Variants in RARB observed in about 807,000 individuals in gnomAD.
The protein encoded by RARB is retinoic acid receptor beta, also known as HBV-activated protein.
Under a neutral mutation model 51.9 loss-of-function variants are expected in RARB, and 17 were observed. The observed-to-expected ratio is 0.33, with a 90% CI of 0.22 to 0.49. The LOEUF (loss-of-function observed/expected upper bound fraction) is 0.49, where lower values mean the gene tolerates loss of function less well. Among genes scored for constraint, RARB ranks in the 20% least tolerant of loss-of-function variants. The pLI is 0.99. For missense variants in RARB, 369 were observed against 550.8 expected (o/e 0.67, Z 3.30); for synonymous variants, 215 against 195.4 (o/e 1.10, Z -0.84).
At chr3:25,572,584 G>T (rs1020299995) in intron 4 of RARB, among the ~76,000 whole-genome samples, 3 of 152,126 alleles carry the variant, frequency 2.0e-5, no homozygotes, top group Admixed American at 6.5e-5. Flanking sequence ...CCTTGAGAGG[G>T]TTGCCAAAAA....
At chr3:25,131,148 A>G (rs1362041499) in intron 3 of RARB, among the ~76,000 whole-genome samples, 1 of 151,968 alleles carries the variant, frequency 6.6e-6, no homozygotes, top group East Asian at 1.9e-4. Context: ...AGATCTTAGG[A>G]CATGCCCAGA....
chr3:25,264,308 G>C (rs1019393224), intron 5 of RARB, among the ~76,000 whole-genome samples: 1 of 152,134 alleles, frequency 6.6e-6, no homozygotes, highest in African/African-American at 2.4e-5. Flanking sequence ...GAACCCTGGG[G>C]TGAAAAGGGA....
intron 3 of RARB, among the ~76,000 whole-genome samples, chr3:25,072,477 G>T (rs557370515): frequency 6.6e-6 from 1 of 152,232 alleles, no homozygotes; most frequent in East Asian, 1.9e-4. Context: ...TGGGAGGAAA[G>T]ATCCATTTTT....
Position 25,492,539 on chromosome 3 carries a change from A to G in RARB, c.307-8643A>G, listed in dbSNP as rs937197791. Reference sequence around the variant, plus strand: ...GGGCCACCTTTTTGTTGGTATTCTCAGGGAGTTTTAATTAATTGGGGATTA... The same window carrying G: ...GGGCCACCTTTTTGTTGGTATTCTCGGGGAGTTTTAATTAATTGGGGATTA... On this transcript the variant is annotated intron_variant, in intron 2 of 7. Transcript: ENST00000330688. 3.3e-5 allele frequency among the ~76,000 whole-genome samples: 5 copies of G among 152,186 alleles called. No individual in the cohort carries two copies. The East Asian group carries it at 9.6e-4, about 29-fold the overall frequency.
rs1215757184 is a variant in RARB at position 24,920,539 on chromosome 3, A to G, written c.-380+61787A>G. Among the ~76,000 whole-genome samples, 3 of 152,012 alleles carry G rather than the reference A, an allele frequency of 2.0e-5. No individual in the cohort carries two copies. The East Asian group carries it at 5.8e-4, about 29-fold the overall frequency. The stretch of plus-strand genomic sequence containing the variant: ...GTTAAAATTGGGAATTTAAATAATC[A>G]ACTCTAATTCTCTTCTTTTCCAGAT... On this transcript the variant is annotated intron_variant, in intron 2 of 11. Coordinates refer to the RARB transcript ENST00000383772.
At chr3:25,117,560 A>G (rs2125327791) in intron 3 of RARB, among the ~76,000 whole-genome samples, 1 of 152,268 alleles carries the variant, frequency 6.6e-6, no homozygotes, top group Admixed American at 6.5e-5. Flanking sequence ...TGACAATCAG[A>G]GAATAGGATG....
rs148953469 is a variant in RARB, at chr3:25,000,451, T to A, written c.-379-59674T>A. Among the ~76,000 whole-genome samples, 65 of 152,266 alleles carry A rather than the reference T, an allele frequency of 4.3e-4. No individual in the cohort carries two copies. In the East Asian group the frequency reaches 9.5e-3, roughly 22 times the overall value. On this transcript the variant is annotated intron_variant, in intron 2 of 11. Transcript: ENST00000383772. The stretch of plus-strand genomic sequence containing the variant: ...TACTTACAGAGAGAAATCCTCTTTT[T>A]TGCATTTTCTTTTATCTTATTTCAG...
chr3:25,189,767 C>T (rs1701053772), intron 5 of RARB, among the ~76,000 whole-genome samples: 2 of 152,018 alleles, frequency 1.3e-5, no homozygotes, highest in Non-Finnish European at 2.9e-5. Flanking sequence ...CGCCTGTAAT[C>T]GCAGATACTC....
In RARB at chr3:25,447,255, T is replaced by C. The variant is rs752820353; in HGVS notation, c.158-13938T>C. 3.9e-5 allele frequency among the ~76,000 whole-genome samples: 6 copies of C among 152,170 alleles called. No individual in the cohort carries two copies. The East Asian group carries it at 1.2e-3, about 29-fold the overall frequency. ...TTTTTAACCAACACTGATTGAACTT[T>C]TGATATGTACTGGACACTCTTTTAG... On this transcript the variant is annotated intron_variant, in intron 1 of 7. Transcript: ENST00000330688.
intron 2 of RARB, among the ~76,000 whole-genome samples, chr3:24,957,878 G>T (rs913917053): frequency 6.6e-6 from 1 of 152,164 alleles, no homozygotes; most frequent in African/African-American, 2.4e-5. Context: ...CCATAATACG[G>T]TATTTATACC....
intron 5 of RARB, among the ~76,000 whole-genome samples, chr3:25,220,775 C>T (rs1264821237): frequency 1.3e-5 from 2 of 152,124 alleles, no homozygotes; most frequent in African/African-American, 2.4e-5. Context: ...TACCCAGTCT[C>T]GGGCAGTTCT....
chr3:24,875,394 C>T (rs532086859), intron 2 of RARB, among the ~76,000 whole-genome samples: 1 of 152,054 alleles, frequency 6.6e-6, no homozygotes, highest in Admixed American at 6.5e-5. Flanking sequence ...TTTAGGATTG[C>T]CTGGCAACTT....
intron 2 of RARB, among the ~76,000 whole-genome samples, chr3:24,934,185 A>G (rs1352948304): frequency 6.6e-6 from 1 of 152,098 alleles, no homozygotes; most frequent in Admixed American, 6.6e-5. Context: ...CTAGCTAGCC[A>G]GAGGAGGGAA....
intron 2 of RARB, among the ~76,000 whole-genome samples, chr3:24,990,485 AGTTT>A (rs1327199494): frequency 9.5e-6 from 1 of 105,682 alleles, no homozygotes; most frequent in Non-Finnish European, 1.9e-5. Context: ...ACTCTAGTAA[AGTTT>A]GTTTTATTTT....
intron 3 of RARB, among the ~76,000 whole-genome samples, chr3:25,118,333 G>T (rs1699725078): frequency 6.6e-6 from 1 of 152,094 alleles, no homozygotes; most frequent in Admixed American, 6.6e-5. Flanking sequence ...ATGTGGTCCA[G>T]ATTTGTCACT....
chr3:25,081,600 T>TAA (rs1698997447), intron 3 of RARB, among the ~76,000 whole-genome samples: 1 of 18,332 alleles, frequency 5.5e-5, no homozygotes, highest in African/African-American at 2.5e-4. Context: ...TATATATATA[T>TAA]ATATATATAT....
intron 5 of RARB, among the ~76,000 whole-genome samples, chr3:25,364,999 A>G (rs1177626748): frequency 6.6e-6 from 1 of 152,052 alleles, no homozygotes; most frequent in Non-Finnish European, 1.5e-5. Flanking sequence ...CATTTGATTC[A>G]TTGACATCTA....
intron 3 of RARB, among the ~76,000 whole-genome samples, chr3:25,564,651 T>C (rs1001459198): frequency 1.4e-4 from 22 of 152,158 alleles, no homozygotes; most frequent in Non-Finnish European, 3.1e-4. Flanking sequence ...GAGGCCCCCA[T>C]CTGTGGGTCG....
At chr3:24,917,202 A>T (rs1695125064) in intron 2 of RARB, among the ~76,000 whole-genome samples, 1 of 152,198 alleles carries the variant, frequency 6.6e-6, no homozygotes, top group Non-Finnish European at 1.5e-5. Context: ...ATGCAAACAA[A>T]CCTAAATGTA....
Sources: gnomAD v4.1 joint callset for allele counts (sites outside exome capture counted in the v4.1 genomes callset) on GRCh38, gnomAD v4.1.1 for gene constraint, MANE v1.5 for transcripts, NCBI Gene and HGNC (gene_info 2026-07-23, HGNC 2026-07-21) for gene names.